The following MAN1C1 variants were observed in gnomAD, a reference collection of about 807,000 sequenced individuals.
The protein encoded by MAN1C1 is mannosidase alpha class 1C member 1, also known as mannosyl-oligosaccharide 1,2-alpha-mannosidase IC.
MAN1C1 carries 49 observed loss-of-function variants against 71.5 expected under a neutral mutation model. The observed-to-expected ratio is 0.69, with a 90% CI of 0.54 to 0.87. The LOEUF is 0.87. Among genes scored for constraint, MAN1C1 ranks in the 40% least tolerant of loss-of-function variants. MAN1C1 has a pLI of 0.00. For synonymous variants in MAN1C1, 352 were observed against 343.7 expected (o/e 1.02, Z -0.27); for missense variants, 743 against 835.0 (o/e 0.89, Z 1.36).
intron 1 of MAN1C1, among the ~76,000 whole-genome samples, chr1:25,665,451 G>C (rs2045908720): frequency 6.6e-6 from 1 of 152,132 alleles, no homozygotes; most frequent in Non-Finnish European, 1.5e-5. Context: ...GTTCTTACAC[G>C]ATGCAATATT....
chr1:25,681,271 T>G (rs942637402), intron 1 of MAN1C1, among the ~76,000 whole-genome samples: 2 of 147,350 alleles, frequency 1.4e-5, no homozygotes, highest in Non-Finnish European at 3.0e-5. Context: ...AAAAGAAAGG[T>G]TACAGAGCAA....
chr1:25,744,156 G>A (rs950908351), intron 2 of MAN1C1, among the ~76,000 whole-genome samples: 1 of 152,176 alleles, frequency 6.6e-6, no homozygotes. Context: ...CTACAGCCAG[G>A]AGCATGGACA....
chr1:25,642,617 G>A (rs1467312315), intron 1 of MAN1C1, among the ~76,000 whole-genome samples: 3 of 152,206 alleles, frequency 2.0e-5, no homozygotes, highest in South Asian at 4.1e-4. Flanking sequence ...ACTTGCAATC[G>A]TTCTTCAATC....
intron 1 of MAN1C1, among the ~76,000 whole-genome samples, chr1:25,676,829 G>C (rs1197835259): frequency 3.3e-5 from 5 of 152,186 alleles, no homozygotes; most frequent in African/African-American, 1.2e-4. Context: ...TAAAGTGGGG[G>C]AGAATGTCTC....
chr1:25,652,031 C>T (rs2045700121), intron 1 of MAN1C1, among the ~76,000 whole-genome samples: 1 of 152,188 alleles, frequency 6.6e-6, no homozygotes, highest in Non-Finnish European at 1.5e-5. Context: ...TCCTGCTGCC[C>T]AGCAATGGCC....
rs563559745 is a variant in MAN1C1, at chr1:25,684,632, C to T, written c.541-1808C>T. On this transcript the variant is annotated intron_variant, in intron 1 of 11. Transcript: ENST00000374332. ...GGTCTTCCTGCCCACCTGGTCTGTG[C>T]GTTTGGGCTGCAGCAGTGAGAGTAG... is the stretch of plus-strand genomic sequence containing the variant. Among the ~76,000 whole-genome samples, 6 of 152,350 alleles carry T rather than the reference C, an allele frequency of 3.9e-5. No homozygotes were observed. In the South Asian group the frequency reaches 1.0e-3, roughly 26 times the overall value.
intron 2 of MAN1C1, among the ~76,000 whole-genome samples, chr1:25,702,909 C>G (rs947968278): frequency 6.6e-6 from 1 of 152,184 alleles, no homozygotes; most frequent in Non-Finnish European, 1.5e-5. Flanking sequence ...CTTTCCTCAC[C>G]CTTCCCTGGG....
At chr1:25,660,639 C>T (rs540410019) in intron 1 of MAN1C1, among the ~76,000 whole-genome samples, 17 of 151,644 alleles carry the variant, frequency 1.1e-4, no homozygotes, top group Admixed American at 5.9e-4. Flanking sequence ...GTGATCCGCC[C>T]GCCTCGGCCT....
intron 1 of MAN1C1, among the ~76,000 whole-genome samples, chr1:25,647,169 G>A (rs1042671742): frequency 2.0e-5 from 3 of 152,218 alleles, no homozygotes; most frequent in African/African-American, 4.8e-5. Context: ...GGGAGGGCAC[G>A]TGGGGCCTGG....
chr1:25,687,611 A>G (rs1026444696), intron 2 of MAN1C1, among the ~76,000 whole-genome samples: 8 of 152,232 alleles, frequency 5.3e-5, no homozygotes, highest in Middle Eastern at 3.4e-3. Context: ...CATCACCCCC[A>G]TCGTGTGCAG....
chr1:25,733,013 C>T (rs577237113), intron 2 of MAN1C1, among the ~76,000 whole-genome samples: 1 of 152,350 alleles, frequency 6.6e-6, no homozygotes, highest in African/African-American at 2.4e-5. Flanking sequence ...GTCCGTGGGC[C>T]TGGGAGGCTC....
At chr1:25,683,001 G>A (rs1326041138) in intron 1 of MAN1C1, among the ~76,000 whole-genome samples, 2 of 148,920 alleles carry the variant, frequency 1.3e-5, no homozygotes, top group Non-Finnish European at 3.0e-5. Context: ...TTTCGCCACC[G>A]CACTCCAGCC....
intron 2 of MAN1C1, among the ~76,000 whole-genome samples, chr1:25,724,617 T>C (rs919013465): frequency 2.0e-5 from 3 of 152,160 alleles, no homozygotes; most frequent in Admixed American, 6.5e-5. Flanking sequence ...AGAGGCATCC[T>C]ACTCAGTGCA....
intron 1 of MAN1C1, among the ~76,000 whole-genome samples, chr1:25,670,986 C>T (rs947146776): frequency 2.6e-5 from 4 of 152,186 alleles, no homozygotes; most frequent in Non-Finnish European, 5.9e-5. Context: ...AAGCATTCCC[C>T]TCACCTAAAC....
intron 1 of MAN1C1, among the ~76,000 whole-genome samples, chr1:25,662,835 G>A (rs1262681491): frequency 1.3e-5 from 2 of 152,234 alleles, no homozygotes; most frequent in Admixed American, 6.5e-5. Flanking sequence ...GCCAAGGCGG[G>A]AGGATCACGA....
Position 25,630,303 on chromosome 1 carries a change from C to G in MAN1C1, c.540+11966C>G, listed in dbSNP as rs563048198. 2.0e-5 allele frequency among the ~76,000 whole-genome samples: 3 copies of G among 152,210 alleles called. No homozygotes were observed. In the East Asian group the frequency reaches 5.8e-4, roughly 29 times the overall value. ...ACCATTCTGTTTTGGTAACTATAGC[C>G]TTGTGGTACAATTTGAAGTCTGGTA... On this transcript the variant is annotated intron_variant, in intron 1 of 11. Transcript: ENST00000374332.
chr1:25,772,758 A>C (rs1176497813), intron 8 of MAN1C1, among the ~76,000 whole-genome samples: 1 of 151,682 alleles, frequency 6.6e-6, no homozygotes, highest in Non-Finnish European at 1.5e-5. Flanking sequence ...CCTCTCCTTT[A>C]CCCATCGGGT....
At chr1:25,672,053 C>T (rs1182194985) in intron 1 of MAN1C1, among the ~76,000 whole-genome samples, 1 of 152,192 alleles carries the variant, frequency 6.6e-6, no homozygotes, top group Non-Finnish European at 1.5e-5. Context: ...GGCCTGGGAA[C>T]CAGGGAAGCC....
At chr1:25,618,687 A>G (rs1376428603) in intron 1 of MAN1C1, among the ~76,000 whole-genome samples, 1 of 152,012 alleles carries the variant, frequency 6.6e-6, no homozygotes, top group Non-Finnish European at 1.5e-5. Flanking sequence ...ATGAGAGTGG[A>G]GTTCAGGTTC....
Sources: gnomAD v4.1 joint callset for allele counts (sites outside exome capture counted in the v4.1 genomes callset) on GRCh38, gnomAD v4.1.1 for gene constraint, MANE v1.5 for transcripts, NCBI Gene and HGNC (gene_info 2026-07-23, HGNC 2026-07-21) for gene names.